EIF4G2: variants seen among roughly 807,000 people sequenced by gnomAD.
EIF4G2 encodes the protein DAP-5.
A neutral mutation model predicts 117.7 loss-of-function variants in EIF4G2; 8 were observed. The ratio of observed to expected loss-of-function variants is 0.07; its 90% CI spans 0.04 to 0.12. The LOEUF (loss-of-function observed/expected upper bound fraction) is 0.12, where lower values mean the gene tolerates loss of function less well. Ranked by LOEUF, EIF4G2 falls within the 10% of genes least tolerant of loss-of-function variation. The probability of loss-of-function intolerance (pLI) is 1.00; values close to 1 mark genes in which losing one functional copy is unlikely to be tolerated. For synonymous variants in EIF4G2, 413 were observed against 367.8 expected (o/e 1.12, Z -1.41); for missense variants, 812 against 1,086.2 (o/e 0.75, Z 3.55).
chr11:10,807,206 T>C, intron 2 of EIF4G2, 49 bp downstream of exon 2: 1 of 1,578,046 alleles, frequency 6.3e-7, no homozygotes, highest in Non-Finnish European at 8.6e-7. Context: ...TAACTACTTT[T>C]TGAGACTGGC....
rs189454767 is a variant in EIF4G2 at position 10,807,461 on chromosome 11, A to G, written c.-86-80T>C. 43 of 1,431,276 alleles carry G rather than the reference A, an allele frequency of 3.0e-5. No homozygotes were observed. In the African/African-American group the frequency reaches 6.1e-4, roughly 20 times the overall value. The allele number at this position is 1,431,276 out of a possible 1,614,324, so 88.7% of individuals were successfully genotyped here. A position where few individuals can be genotyped will look rare whatever the true frequency, so the allele number is the denominator to read the frequency against. On this transcript the variant is annotated intron_variant, in intron 1 of 21. Coordinates refer to ENST00000339995, the MANE Select transcript of EIF4G2 (RefSeq NM_001418.4). ...CCTTCATTCAATTACAACGTATTTC[A>G]GATCCTGGCACTGTCACTGCATTGC... is the stretch of plus-strand genomic sequence containing the variant.
chr11:10,800,807 G>C lies in EIF4G2; in HGVS notation c.1568C>G (p.Pro523Arg), dbSNP rs1847395491. ...GGCAGGCTTTTCCTGGATAAGCGGT[G>C]GATTAGTTTTGAGACCAAGCTGAGG... is the stretch of plus-strand genomic sequence containing the variant. Residue 523 changes from proline to arginine, a missense_variant, in exon 16 of 22, where the codon CCA becomes CGA. Pro to Arg is a moderately radical substitution (Grantham distance 103). Coordinates refer to ENST00000339995, the MANE Select transcript of EIF4G2 (RefSeq NM_001418.4). 1 of 1,614,092 alleles carries C rather than the reference G, an allele frequency of 6.2e-7. No homozygotes were observed. Among genetic ancestry groups the C allele is most frequent in the Non-Finnish European group, 8.5e-7 (1 of 1,180,016 alleles).
chr11:10,806,128 G>T, intron 3 of EIF4G2, 81 bp from the exon 4 acceptor site: 1 of 1,586,950 alleles, frequency 6.3e-7, no homozygotes, highest in Non-Finnish European at 8.6e-7. Flanking sequence ...ATAGAAAAAA[G>T]TAATTTAGGC....
intron 18 of EIF4G2, 63 bp from the exon 19 acceptor site, chr11:10,799,819 G>C: frequency 6.5e-7 from 1 of 1,536,312 alleles, no homozygotes; most frequent in Non-Finnish European, 8.8e-7. Flanking sequence ...CCTGTCCAGA[G>C]AGCAGAGCTT....
Position 10,797,575 on chromosome 11 carries a change from T to C in EIF4G2, c.*241A>G, listed in dbSNP as rs1354257404. ...GCTTGAGAACTTATGATGTAATTATTGCATGCTGCTAATATACTATCTAAA... is the reference window on the plus strand; with the variant it reads ...GCTTGAGAACTTATGATGTAATTATCGCATGCTGCTAATATACTATCTAAA... On this transcript the variant is annotated 3_prime_UTR_variant, in exon 22 of 22. Coordinates refer to ENST00000339995, the MANE Select transcript of EIF4G2 (RefSeq NM_001418.4). This position sits in a 1 kb window ranked among gnomAD's most constrained non-coding sequence, Gnocchi z 4.5. The C allele has an allele frequency of 8.4e-6, 4 of 476,088 alleles. No individual in the cohort carries two copies. The highest frequency in any genetic ancestry group is 6.0e-5 in the African/African-American group (3 of 50,042). The allele number at this position is 476,088 out of a possible 1,614,324, so 29.5% of individuals were successfully genotyped here.
chr11:10,807,437 C>T, intron 1 of EIF4G2, 56 bp from the exon 2 acceptor site: 3 of 1,485,578 alleles, frequency 2.0e-6, no homozygotes, highest in Non-Finnish European at 2.7e-6. Flanking sequence ...ATCTATAAGC[C>T]TTCATTCAAT....
intron 1 of EIF4G2, 54 bp from the exon 2 acceptor site, chr11:10,807,435 G>C: frequency 6.7e-7 from 1 of 1,491,910 alleles, no homozygotes; most frequent in Non-Finnish European, 8.9e-7. Context: ...AGATCTATAA[G>C]CCTTCATTCA....
At chr11:10,807,539 G>A in intron 1 of EIF4G2, 158 bp from the exon 2 acceptor site, 1 of 1,283,478 alleles carries the variant, frequency 7.8e-7, no homozygotes, top group Non-Finnish European at 9.8e-7. Context: ...ATTACATTTT[G>A]TTTAGCCACC....
chr11:10,798,780 C>T (rs756490727), intron 21 of EIF4G2: 16 of 516,912 alleles, frequency 3.1e-5, no homozygotes, highest in Non-Finnish European at 4.9e-5. Flanking sequence ...GAAAAGTTAG[C>T]TACCTCTAAC....
chr11:10,798,804 C>T, intron 21 of EIF4G2, 188 bp downstream of exon 21: 1 of 691,424 alleles, frequency 1.4e-6, no homozygotes, highest in Non-Finnish European at 2.3e-6. Context: ...TTATACACCA[C>T]TAGAATTGAT....
rs1372612086 is a variant in EIF4G2 at position 10,803,549 on chromosome 11, T to C, written c.744A>G (p.Gly248=). The C allele has an allele frequency of 1.2e-6, 2 of 1,613,940 alleles. No homozygotes were observed. The highest frequency in any genetic ancestry group is 1.3e-5 in the African/African-American group (1 of 74,912). The change falls in exon 9 of 22, where the codon GGA becomes GGG. Residue 248 remains glycine, a synonymous_variant. Coordinates refer to ENST00000339995, the MANE Select transcript of EIF4G2 (RefSeq NM_001418.4). The surrounding 1 kb of genome is among the most constrained non-coding windows in gnomAD (Gnocchi z 4.0). Reference sequence around the variant, plus strand: ...TCTGACAGAGGCACTCCAAATCCTCTCCCATATCTTTGAGTTGGACTCTCT... The same window carrying C: ...TCTGACAGAGGCACTCCAAATCCTCCCCCATATCTTTGAGTTGGACTCTCT...
Position 10,800,727 on chromosome 11 carries a change from T to C in EIF4G2, c.1644+4A>G, listed in dbSNP as rs117644476. On this transcript the variant is annotated splice_donor_region_variant and intron_variant, in intron 16 of 21. Coordinates refer to ENST00000339995, the MANE Select transcript of EIF4G2 (RefSeq NM_001418.4). ...TACACTAAAATGGGATATTTGAAAC[T>C]TACAGTTAGTTTAAGGAGTTCTTCC... is the stretch of plus-strand genomic sequence containing the variant. 1.2e-6 allele frequency: 2 copies of C among 1,614,218 alleles called. No individual in the cohort carries two copies. Among genetic ancestry groups the C allele is most frequent in the Non-Finnish European group, 1.7e-6 (2 of 1,180,028 alleles).
chr11:10,806,982 G>C (rs1847593617), intron 2 of EIF4G2, 97 bp from the exon 3 acceptor site: 3 of 1,424,594 alleles, frequency 2.1e-6, no homozygotes, highest in Non-Finnish European at 2.9e-6. Context: ...TGTAGAGATG[G>C]GGGTCTCGCT....
intron 14 of EIF4G2, 188 bp downstream of exon 14, chr11:10,801,473 T>C: frequency 1.3e-6 from 1 of 751,168 alleles, no homozygotes; most frequent in Non-Finnish European, 2.4e-6. Context: ...AGACTTGCCC[T>C]CATATCTCAT....
Position 10,806,881 on chromosome 11 carries a change from A to C in EIF4G2, c.46T>G (p.Ser16Ala), listed in dbSNP as rs763569342. ...CCCCTACTTCCTCCTCCGCCCGAAG[A>C]AGCACTATTTAAAAGAAAAAAATTG... is the stretch of plus-strand genomic sequence containing the variant. Residue 16 changes from serine (S) to alanine (A), a missense_variant, in exon 3 of 22, where the codon TCT becomes GCT. By Grantham distance (99) the Ser-to-Ala change is moderately conservative. Transcript: ENST00000339995. The C allele has an allele frequency of 3.4e-5, 55 of 1,614,010 alleles. No individual in the cohort carries two copies. The highest frequency in any genetic ancestry group is 1.6e-4 in the Middle Eastern group (1 of 6,084).
At chr11:10,805,610 G>A (rs923508377) in intron 4 of EIF4G2, among the ~76,000 whole-genome samples, 14 of 151,980 alleles carry the variant, frequency 9.2e-5, no homozygotes, top group Non-Finnish European at 1.5e-4. Context: ...CTGCCACTAC[G>A]TCCGGCTAAT....
At chr11:10,805,271 G>T (rs968132040) in intron 4 of EIF4G2, among the ~76,000 whole-genome samples, 2 of 152,156 alleles carry the variant, frequency 1.3e-5, no homozygotes, top group Non-Finnish European at 2.9e-5. Flanking sequence ...AGAGCGCAAA[G>T]ATCTCATTAT....
rs766140329 is a variant in EIF4G2 at position 10,800,590 on chromosome 11, C to T, written c.1702G>A (p.Val568Ile). The change falls in exon 17 of 22, where the codon GTA becomes ATA. Residue 568 changes from valine (V) to isoleucine (I), a missense_variant. By Grantham distance (29) the Val-to-Ile change is conservative. This residue lies in a region of EIF4G2 where 571 missense variants were observed against 642.3 expected (regional missense o/e 0.89). Transcript: ENST00000339995. ...TGTTTAGGAGCCCTCATTTCTCTTA[C>T]ACCATTGACAGCCTCATTTGCATTT... The T allele has an allele frequency of 1.7e-5, 27 of 1,614,052 alleles. No homozygotes were observed. In the East Asian group the frequency reaches 4.7e-4, roughly 28 times the overall value.
At chr11:10,808,285 C>T in intron 1 of EIF4G2, 1 of 1,217,526 alleles carries the variant, frequency 8.2e-7, no homozygotes, top group South Asian at 1.4e-5. Context: ...ACCTCCCCGC[C>T]GGGAGGCCAG....
Sources: gnomAD v4.1 joint callset for allele counts (sites outside exome capture counted in the v4.1 genomes callset) on GRCh38, gnomAD v4.1.1 for gene constraint, gnomAD v4.1.1 regional missense constraint, Gnocchi (gnomAD v3.1) non-coding constraint, MANE v1.5 for transcripts, NCBI Gene and HGNC (gene_info 2026-07-23, HGNC 2026-07-21) for gene names.